GPR183: variants seen among roughly 807,000 people sequenced by gnomAD.
GPR183 encodes EBV-induced G-protein coupled receptor 2.
Under a neutral mutation model 19.7 loss-of-function variants are expected in GPR183, and 9 were observed. That is an observed-to-expected ratio of 0.46 (90% confidence interval 0.28 to 0.80). GPR183 has a LOEUF of 0.80. Among genes scored for constraint, GPR183 ranks in the 30% least tolerant of loss-of-function variants. GPR183 has a pLI of 0.13. For missense variants in GPR183, 368 were observed against 446.7 expected (o/e 0.82, Z 1.59); for synonymous variants, 160 against 155.1 (o/e 1.03, Z -0.24).
intron 1 of GPR183, among the ~76,000 whole-genome samples, chr13:99,299,997 C>T (rs976426877): frequency 3.9e-5 from 6 of 152,198 alleles, no homozygotes; most frequent in Non-Finnish European, 8.8e-5. Context: ...TTTCATGCTG[C>T]CCTTAAAGAA....
intron 1 of GPR183, among the ~76,000 whole-genome samples, chr13:99,304,235 T>C (rs2044297806): frequency 6.6e-6 from 1 of 152,208 alleles, no homozygotes; most frequent in Non-Finnish European, 1.5e-5. Context: ...CTCACAACTC[T>C]GTGCCCGGTA....
chr13:99,295,342 CAT>C lies in GPR183; in HGVS notation c.802_803del (p.Met268AspfsTer2). The C allele has an allele frequency of 6.2e-7, 1 of 1,614,114 alleles. No homozygotes were observed. The highest frequency in any genetic ancestry group is 8.5e-7 in the Non-Finnish European group (1 of 1,179,996). ...TPYHVAIIQH[M>X]IKKLRFSNFL... The stretch of plus-strand genomic sequence containing the variant: ...AATTAGAGAAACGAAGCTTCTTAAT[CAT>C]ATGTTGAATAATTGCAACATGGTAA... On this transcript the variant is annotated frameshift_variant, in exon 2 of 2. Transcript: ENST00000376414. LOFTEE classifies it high-confidence loss of function. The surrounding 1 kb of genome is among the most constrained non-coding windows in gnomAD (Gnocchi z 4.1).
chr13:99,300,075 C>G (rs1057126317), intron 1 of GPR183, among the ~76,000 whole-genome samples: 1 of 152,216 alleles, frequency 6.6e-6, no homozygotes, highest in Non-Finnish European at 1.5e-5. Flanking sequence ...ATGGCACATG[C>G]GCAACATTGC....
At chr13:99,297,583 G>A (rs2044195578) in intron 1 of GPR183, among the ~76,000 whole-genome samples, 1 of 151,996 alleles carries the variant, frequency 6.6e-6, no homozygotes. Flanking sequence ...TATGCATTCT[G>A]TACAGTGTTG....
intron 1 of GPR183, among the ~76,000 whole-genome samples, chr13:99,297,924 A>G (rs1199444984): frequency 2.0e-5 from 3 of 151,784 alleles, no homozygotes; most frequent in African/African-American, 4.8e-5. Context: ...CCAACCAATA[A>G]AAAGGTAGTA....
chr13:99,297,817 A>G (rs2044198883), intron 1 of GPR183, among the ~76,000 whole-genome samples: 1 of 152,090 alleles, frequency 6.6e-6, no homozygotes, highest in African/African-American at 2.4e-5. Context: ...TTAAAAAAAA[A>G]AAAATTCCAG....
At chr13:99,303,980 C>G (rs1405293575) in intron 1 of GPR183, among the ~76,000 whole-genome samples, 1 of 152,186 alleles carries the variant, frequency 6.6e-6, no homozygotes, top group African/African-American at 2.4e-5. Flanking sequence ...CCGTGTCTGT[C>G]TGTCTGCCTG....
rs781773234 is a variant in GPR183 at position 99,295,337 on chromosome 13, T to A, written c.809A>T (p.Lys270Met). ...CAGGAAATTAGAGAAACGAAGCTTC[T>A]TAATCATATGTTGAATAATTGCAAC... ...YHVAIIQHMI[K>M]KLRFSNFLEC... is the part of the protein sequence containing the mutation. The change falls in exon 2 of 2, where the codon AAG (lysine) becomes ATG (methionine). Residue 270 changes from lysine (K) to methionine (M), a missense_variant. Physicochemically the swap from Lys to Met is moderately conservative, Grantham distance 95. Transcript: ENST00000376414. This position sits in a 1 kb window ranked among gnomAD's most constrained non-coding sequence, Gnocchi z 4.1. 1.2e-6 allele frequency: 2 copies of A among 1,614,040 alleles called. No homozygotes were observed. The highest frequency in any genetic ancestry group is 1.7e-6 in the Non-Finnish European group (2 of 1,180,018).
In GPR183 at chr13:99,294,586, T is replaced by G. The variant is rs1013774594; in HGVS notation, c.*474A>C. The G allele has an allele frequency of 6.5e-6, 1 of 153,092 alleles. No individual in the cohort carries two copies. Among genetic ancestry groups the G allele is most frequent in the Admixed American group, 6.5e-5 (1 of 15,346 alleles). 9.5% of individuals were successfully genotyped at this position (153,092 alleles called of 1,614,324 possible). A position where few individuals can be genotyped will look rare whatever the true frequency, so the allele number is the denominator to read the frequency against. On this transcript the variant is annotated 3_prime_UTR_variant, in exon 2 of 2. Coordinates refer to ENST00000376414, the MANE Select transcript of GPR183 (RefSeq NM_004951.5). ...TCCAAAAGAGTTCCTTAACAAAGTT[T>G]TATGACCCAGAACGAAACAAAACAA...
At chr13:99,299,122 T>C (rs2044219310) in intron 1 of GPR183, among the ~76,000 whole-genome samples, 1 of 152,202 alleles carries the variant, frequency 6.6e-6, no homozygotes, top group Non-Finnish European at 1.5e-5. Context: ...AGAGGTGCCA[T>C]TGCTTGCCAG....
In GPR183 at chr13:99,295,392, C is replaced by T; in HGVS notation, c.754G>A (p.Val252Met). 1 of 1,614,008 alleles carries T rather than the reference C, an allele frequency of 6.2e-7. No individual in the cohort carries two copies. Among genetic ancestry groups the T allele is most frequent in the East Asian group, 2.2e-5 (1 of 44,880 alleles). Residue 252 changes from valine to methionine, a missense_variant, in exon 2 of 2, where the codon GTG (valine) becomes ATG (methionine). Coordinates refer to ENST00000376414, the MANE Select transcript of GPR183 (RefSeq NM_004951.5). The surrounding 1 kb of genome is among the most constrained non-coding windows in gnomAD (Gnocchi z 4.1). The stretch of plus-strand genomic sequence containing the variant: ...TAAGGTGTGAAACAGAGAACAAACA[C>T]AACAATAATAAGAATAATTGTGTTG... ...ALNTIILIIV[V>M]FVLCFTPYHV... is the part of the protein sequence containing the mutation.
chr13:99,301,531 G>T (rs1045644690), intron 1 of GPR183, among the ~76,000 whole-genome samples: 5 of 151,958 alleles, frequency 3.3e-5, no homozygotes, highest in Admixed American at 6.5e-5. Flanking sequence ...TTTTTCTCTA[G>T]AATGTATTTC....
chr13:99,294,977 G>C lies in GPR183; in HGVS notation c.*83C>G. ...TATAAAAGAATACTAATTGGAAGCT[G>C]AACAATTATTTTGCTTTATAAGGGA... On this transcript the variant is annotated 3_prime_UTR_variant, in exon 2 of 2. Coordinates refer to ENST00000376414, the MANE Select transcript of GPR183 (RefSeq NM_004951.5). 1 of 1,445,368 alleles carries C rather than the reference G, an allele frequency of 6.9e-7. No individual in the cohort carries two copies. The highest frequency in any genetic ancestry group is 1.4e-5 in the South Asian group (1 of 72,012). 89.5% of individuals were successfully genotyped at this position (1,445,368 alleles called of 1,614,324 possible).
chr13:99,298,185 CA>C (rs779314155), intron 1 of GPR183, among the ~76,000 whole-genome samples: 4 of 152,110 alleles, frequency 2.6e-5, no homozygotes, highest in Non-Finnish European at 4.4e-5. Flanking sequence ...CTTATTTACT[CA>C]ACATGATTTA....
Position 99,295,102 on chromosome 13 carries a change from TTC to T in GPR183, c.1042_1043del (p.Glu348AsnfsTer25). 6.2e-7 allele frequency: 1 copy of T among 1,614,110 alleles called. No homozygotes were observed. The highest frequency in any genetic ancestry group is 8.5e-7 in the Non-Finnish European group (1 of 1,179,972). On this transcript the variant is annotated frameshift_variant, in exon 2 of 2. Transcript: ENST00000376414. LOFTEE classifies it high-confidence loss of function. This position sits in a 1 kb window ranked among gnomAD's most constrained non-coding sequence, Gnocchi z 4.1. ...ACTTGGAATGTATCATCATCTGCGTTTCTGTCATTTCACGTGAATTTTCTTCA... is the reference window on the plus strand; with the variant it reads ...ACTTGGAATGTATCATCATCTGCGTTTGTCATTTCACGTGAATTTTCTTCA... ...APEENSREMT[E>X]TQMMIHSKSS...
chr13:99,296,336 T>C (rs1025388863), intron 1 of GPR183, among the ~76,000 whole-genome samples, 173 bp from the exon 2 acceptor site: 3 of 152,256 alleles, frequency 2.0e-5, no homozygotes, highest in Admixed American at 2.0e-4. Flanking sequence ...AATTATAATA[T>C]GGTTACATAT....
chr13:99,296,203 A>G, intron 1 of GPR183, 40 bp from the exon 2 acceptor site: 3 of 1,483,250 alleles, frequency 2.0e-6, no homozygotes, highest in Non-Finnish European at 2.7e-6. Flanking sequence ...GTAAAAGCAT[A>G]TGTATTCAGT....
chr13:99,296,593 AT>A (rs201001697), intron 1 of GPR183, among the ~76,000 whole-genome samples: 2 of 151,536 alleles, frequency 1.3e-5, no homozygotes, highest in African/African-American at 4.9e-5. Flanking sequence ...TTTCAGTTGG[AT>A]TTTTTTTTAA....
At chr13:99,296,371 A>C (rs569401068) in intron 1 of GPR183, among the ~76,000 whole-genome samples, 1 of 152,238 alleles carries the variant, frequency 6.6e-6, no homozygotes, top group South Asian at 2.1e-4. Flanking sequence ...AACAGAATAA[A>C]ATTTGTGTTT....
Sources: allele counts gnomAD v4.1 joint callset (sites outside exome capture counted in the v4.1 genomes callset), GRCh38; gene constraint gnomAD v4.1.1; non-coding constraint Gnocchi (gnomAD v3.1); transcripts MANE v1.5; gene names NCBI Gene and HGNC (gene_info 2026-07-23, HGNC 2026-07-21).